The following OR7A5 variants were observed in gnomAD, a reference collection of about 807,000 sequenced individuals.
OR7A5 encodes olfactory receptor family 7 subfamily A member 5.
For missense variants in OR7A5, 319 were observed against 377.9 expected (o/e 0.84, Z 1.29); for synonymous variants, 140 against 146.7 (o/e 0.95, Z 0.33).
intron 1 of OR7A5, among the ~76,000 whole-genome samples, chr19:14,831,502 T>A (rs1474898021): frequency 6.6e-6 from 1 of 152,068 alleles, no homozygotes; most frequent in Non-Finnish European, 1.5e-5. Context: ...TGGAGTGCAA[T>A]GGTGCAATAT....
rs10426040 is a variant in OR7A5 at position 14,831,754 on chromosome 19, T to A, written c.-14+3320A>T. ...CACCGCGCCTGGCCTATTTTATTTT[T>A]TTTTTGCTACTTGTGGACTTTGAAT... On this transcript the variant is annotated intron_variant, in intron 1 of 1. Coordinates refer to ENST00000322301, the MANE Select transcript of OR7A5 (RefSeq NM_017506.2). Among the ~76,000 whole-genome samples, 160 of 100,508 alleles carry A rather than the reference T, an allele frequency of 1.6e-3. 1 individual carries two copies. The South Asian group carries it at 0.043, about 27-fold the overall frequency. 65.9% of individuals were successfully genotyped at this position (100,508 alleles called of 152,430 possible).
In OR7A5 at chr19:14,827,479, T is replaced by C. The variant is rs775073172; in HGVS notation, c.763A>G (p.Ile255Val). 1.1e-5 allele frequency: 17 copies of C among 1,613,996 alleles called. No homozygotes were observed. The highest frequency in any genetic ancestry group is 1.6e-4 in the Middle Eastern group (1 of 6,062). ...LSVVSLFYGA[I>V]LGVYLSSAAT... ...GCAGAACTAAGGTACACCCCTAGGA[T>C]TGCACCATAAAATAAGGAGACAACT... Residue 255 changes from isoleucine to valine, a missense_variant, in exon 2 of 2, where the codon ATC becomes GTC. Physicochemically the swap from Ile to Val is conservative, Grantham distance 29. Coordinates refer to ENST00000322301, the MANE Select transcript of OR7A5 (RefSeq NM_017506.2).
Position 14,827,468 on chromosome 19 carries a change from C to T in OR7A5, c.774G>A (p.Val258=). ...VSLFYGAILG[V]YLSSAATRNS... ...TGCGGGTGGCAGCAGAACTAAGGTA[C>T]ACCCCTAGGATTGCACCATAAAATA... Residue 258 remains valine, a synonymous_variant, in exon 2 of 2, where the codon GTG becomes GTA. Transcript: ENST00000322301. The T allele has an allele frequency of 1.9e-6, 3 of 1,614,072 alleles. No homozygotes were observed. The highest frequency in any genetic ancestry group is 2.5e-6 in the Non-Finnish European group (3 of 1,179,996).
chr19:14,829,736 C>T (rs1254119090), intron 1 of OR7A5, among the ~76,000 whole-genome samples: 1 of 152,144 alleles, frequency 6.6e-6, no homozygotes, highest in Non-Finnish European at 1.5e-5. Flanking sequence ...CTCTTTATTT[C>T]CTTCTGGTGT....
chr19:14,830,748 G>A, intron 1 of OR7A5, among the ~76,000 whole-genome samples: 1 of 152,142 alleles, frequency 6.6e-6, no homozygotes, highest in East Asian at 1.9e-4. Flanking sequence ...TAGGGAAATG[G>A]AGTCAGGCTG....
rs1027389023 is a variant in OR7A5, at chr19:14,826,356, G to A, written c.*926C>T. 2.0e-5 allele frequency: 3 copies of A among 152,146 alleles called. No individual in the cohort carries two copies. Among genetic ancestry groups the A allele is most frequent in the Non-Finnish European group, 4.4e-5 (3 of 68,028 alleles). The allele number at this position is 152,146 out of a possible 1,614,324, so 9.4% of individuals were successfully genotyped here. On this transcript the variant is annotated 3_prime_UTR_variant, in exon 2 of 2. Transcript: ENST00000322301. ...CACTGACCTGCACTTTAATGTTTAC[G>A]ACAAAATTTTATAATGAAGGAGGTA... is the stretch of plus-strand genomic sequence containing the variant.
chr19:14,827,276 C>T lies in OR7A5; in HGVS notation c.*6G>A, dbSNP rs2044776842. On this transcript the variant is annotated 3_prime_UTR_variant, in exon 2 of 2. Coordinates refer to ENST00000322301, the MANE Select transcript of OR7A5 (RefSeq NM_017506.2). ...GTTACTACCTCTGAAGCTTAGAGCC[C>T]TGCAATCATGGGCACTTCTTGAAAA... 1 of 1,537,428 alleles carries T rather than the reference C, an allele frequency of 6.5e-7. No homozygotes were observed. The highest frequency in any genetic ancestry group is 8.7e-7 in the Non-Finnish European group (1 of 1,147,132).
At chr19:14,830,943 C>T (rs936643002) in intron 1 of OR7A5, among the ~76,000 whole-genome samples, 2 of 152,148 alleles carry the variant, frequency 1.3e-5, no homozygotes, top group African/African-American at 2.4e-5. Context: ...TTATCAGTAC[C>T]GCACAAAGCC....
chr19:14,828,177 C>T lies in OR7A5; in HGVS notation c.65G>A (p.Gly22Glu), dbSNP rs1163023361. 6.2e-7 allele frequency: 1 copy of T among 1,613,654 alleles called. No individual in the cohort carries two copies. The highest frequency in any genetic ancestry group is 1.3e-5 in the African/African-American group (1 of 74,862). Residue 22 changes from glycine (G) to glutamate (E), a missense_variant, in exon 2 of 2, where the codon GGA becomes GAA. Gly to Glu is a moderately conservative substitution (Grantham distance 98). Coordinates refer to ENST00000322301, the MANE Select transcript of OR7A5 (RefSeq NM_017506.2). ...FLLLGFSQEP[G>E]LQPFLFGLFL... is the part of the protein sequence containing the mutation. ...CAGCCCAAAGAGGAAGGGTTGCAGT[C>T]CAGGTTCTTGTGAAAATCCCAGAAG... is the stretch of plus-strand genomic sequence containing the variant.
chr19:14,829,743 G>A (rs2044812569), intron 1 of OR7A5, among the ~76,000 whole-genome samples: 1 of 151,942 alleles, frequency 6.6e-6, no homozygotes. Flanking sequence ...TTTCCTTCTG[G>A]TGTCTTGGGT....
At chr19:14,830,474 G>A (rs1295526069) in intron 1 of OR7A5, among the ~76,000 whole-genome samples, 1 of 152,160 alleles carries the variant, frequency 6.6e-6, no homozygotes, top group Admixed American at 6.5e-5. Context: ...ACAAAGGCTT[G>A]CTGGGGATCT....
Position 14,826,734 on chromosome 19 carries a change from T to C in OR7A5, c.*548A>G, listed in dbSNP as rs776007142. 2 of 152,252 alleles carry C rather than the reference T, an allele frequency of 1.3e-5. No individual in the cohort carries two copies. The highest frequency in any genetic ancestry group is 2.9e-5 in the Non-Finnish European group (2 of 68,074). The allele number at this position is 152,252 out of a possible 1,614,324, so 9.4% of individuals were successfully genotyped here. On this transcript the variant is annotated 3_prime_UTR_variant, in exon 2 of 2. Transcript: ENST00000322301. ...ATAAACAATTTTTGCCTTACCGTACTATGCCAGGGAGTATGGCAGATACTG... is the reference window on the plus strand; with the variant it reads ...ATAAACAATTTTTGCCTTACCGTACCATGCCAGGGAGTATGGCAGATACTG...
intron 1 of OR7A5, among the ~76,000 whole-genome samples, chr19:14,829,280 T>C (rs1452116640): frequency 6.6e-6 from 1 of 152,244 alleles, no homozygotes; most frequent in Non-Finnish European, 1.5e-5. Context: ...CTCAGATCAC[T>C]GCAACCTCCA....
intron 1 of OR7A5, 49 bp from the exon 2 acceptor site, chr19:14,828,303 C>T (rs1412881545): frequency 3.3e-6 from 5 of 1,501,928 alleles, no homozygotes; most frequent in Non-Finnish European, 4.5e-6. Flanking sequence ...GCATGCATTG[C>T]TAACCTTTCA....
chr19:14,832,814 C>A (rs1599927839), intron 1 of OR7A5, among the ~76,000 whole-genome samples: 2 of 152,036 alleles, frequency 1.3e-5, no homozygotes, highest in Admixed American at 1.3e-4. Context: ...AGAATAAAAC[C>A]AGGTTAAATA....
At chr19:14,829,045 TTTTG>T (rs970435474) in intron 1 of OR7A5, among the ~76,000 whole-genome samples, 4 of 152,110 alleles carry the variant, frequency 2.6e-5, no homozygotes, top group Non-Finnish European at 4.4e-5. Flanking sequence ...TTCTTTTGTT[TTTTG>T]TTTGTTTGTT....
At chr19:14,832,999 T>C (rs2044849204) in intron 1 of OR7A5, among the ~76,000 whole-genome samples, 1 of 152,232 alleles carries the variant, frequency 6.6e-6, no homozygotes, top group Middle Eastern at 3.2e-3. Context: ...CAGTTATTAT[T>C]TGCTGAATGA....
intron 1 of OR7A5, among the ~76,000 whole-genome samples, chr19:14,829,063 T>C (rs2044805191): frequency 6.6e-6 from 1 of 152,214 alleles, no homozygotes; most frequent in Non-Finnish European, 1.5e-5. Flanking sequence ...GTTTGTTTGC[T>C]GATTATTATT....
At chr19:14,831,426 C>T (rs1456349728) in intron 1 of OR7A5, among the ~76,000 whole-genome samples, 1 of 151,730 alleles carries the variant, frequency 6.6e-6, no homozygotes, top group Non-Finnish European at 1.5e-5. Flanking sequence ...TCCTGTGTGG[C>T]CTTTATTTTA....
Sources: gnomAD v4.1 joint callset for allele counts (sites outside exome capture counted in the v4.1 genomes callset) on GRCh38, gnomAD v4.1.1 for gene constraint, MANE v1.5 for transcripts, NCBI Gene and HGNC (gene_info 2026-07-23, HGNC 2026-07-21) for gene names.